SGCZ: variants seen among roughly 807,000 people sequenced by gnomAD.
SGCZ encodes the protein zeta-sarcoglycan.
In SGCZ, 40 loss-of-function variants were observed where a neutral mutation model predicts 41.3. That is an observed-to-expected ratio of 0.97 (90% CI 0.75 to 1.26). The LOEUF is 1.26. Ranked by LOEUF, SGCZ falls within the 50% of genes most tolerant of loss-of-function variation. The pLI, the probability that SGCZ is intolerant of heterozygous loss-of-function variation, is 0.00. For missense variants in SGCZ, 552 were observed against 369.8 expected (o/e 1.49, Z -4.04); for synonymous variants, 206 against 137.5 (o/e 1.50, Z -3.49).
chr8:14,468,602 T>C (rs1801118209), intron 2 of SGCZ, among the ~76,000 whole-genome samples: 1 of 152,106 alleles, frequency 6.6e-6, no homozygotes, highest in South Asian at 2.1e-4. Context: ...CGTATTTAAA[T>C]TTTGAGTTAA....
intron 2 of SGCZ, among the ~76,000 whole-genome samples, chr8:14,522,144 A>G (rs1802809446): frequency 6.6e-6 from 1 of 151,994 alleles, no homozygotes; most frequent in Non-Finnish European, 1.5e-5. Context: ...AATGCTTTTT[A>G]AATTTTGCTG....
intron 3 of SGCZ, among the ~76,000 whole-genome samples, chr8:14,239,242 T>C (rs1029026569): frequency 4.3e-5 from 3 of 70,108 alleles, no homozygotes; most frequent in African/African-American, 1.8e-4. Flanking sequence ...TGATGGTTCA[T>C]ACATGAACAC....
intron 1 of SGCZ, among the ~76,000 whole-genome samples, chr8:14,717,006 A>G (rs1809711362): frequency 6.6e-6 from 1 of 152,140 alleles, no homozygotes; most frequent in Non-Finnish European, 1.5e-5. Context: ...AAAGCATGAA[A>G]GGTATGTAGT....
At chr8:14,614,111 A>G (rs528742484) in intron 1 of SGCZ, among the ~76,000 whole-genome samples, 1 of 152,156 alleles carries the variant, frequency 6.6e-6, no homozygotes, top group African/African-American at 2.4e-5. Flanking sequence ...TTCAGATTAC[A>G]TTACACTAAA....
chr8:14,930,119 G>A (rs1409751629), intron 1 of SGCZ, among the ~76,000 whole-genome samples: 1 of 151,810 alleles, frequency 6.6e-6, no homozygotes, highest in African/African-American at 2.4e-5. Context: ...TGAATTAAAT[G>A]TAAGTTATTT....
At chr8:15,193,319 G>A (rs1287496913) in intron 1 of SGCZ, among the ~76,000 whole-genome samples, 1 of 152,076 alleles carries the variant, frequency 6.6e-6, no homozygotes, top group African/African-American at 2.4e-5. Flanking sequence ...GAATTCTAAA[G>A]CATTTAGGTA....
At chr8:14,160,623 G>A (rs1804016206) in intron 5 of SGCZ, among the ~76,000 whole-genome samples, 1 of 152,178 alleles carries the variant, frequency 6.6e-6, no homozygotes, top group Admixed American at 6.5e-5. Flanking sequence ...GACAAGTAAT[G>A]TCAAGAGTGG....
chr8:14,554,127 A>G (rs1803958145), intron 2 of SGCZ, among the ~76,000 whole-genome samples: 1 of 152,080 alleles, frequency 6.6e-6, no homozygotes, highest in Non-Finnish European at 1.5e-5. Flanking sequence ...TTTTGTAATT[A>G]GTTACTTTTA....
chr8:14,455,822 A>G (rs1800727551), intron 2 of SGCZ, among the ~76,000 whole-genome samples: 2 of 152,338 alleles, frequency 1.3e-5, no homozygotes, highest in South Asian at 4.1e-4. Flanking sequence ...TATGTAGGAT[A>G]TATTATTGTG....
intron 2 of SGCZ, among the ~76,000 whole-genome samples, chr8:14,372,841 C>A (rs888908270): frequency 3.9e-5 from 6 of 151,998 alleles, no homozygotes; most frequent in African/African-American, 1.2e-4. Context: ...GGTGATGAGA[C>A]GTGTTGTAGA....
At chr8:15,058,734 T>C (rs1235402153) in intron 1 of SGCZ, among the ~76,000 whole-genome samples, 7 of 152,208 alleles carry the variant, frequency 4.6e-5, no homozygotes, top group Non-Finnish European at 8.8e-5. Context: ...CTTAGGATCC[T>C]TGGATCCCAT....
intron 1 of SGCZ, among the ~76,000 whole-genome samples, chr8:15,058,595 A>G (rs1804801186): frequency 6.6e-6 from 1 of 152,196 alleles, no homozygotes; most frequent in South Asian, 2.1e-4. Context: ...CTTAATAGAC[A>G]AATTTATTAG....
intron 5 of SGCZ, among the ~76,000 whole-genome samples, chr8:14,109,970 C>T (rs912266818): frequency 3.9e-5 from 6 of 152,096 alleles, no homozygotes; most frequent in Non-Finnish European, 7.4e-5. Flanking sequence ...CTCTCTGTCG[C>T]TCCTGAGACT....
At chr8:14,714,886 C>G (rs1472590710) in intron 1 of SGCZ, among the ~76,000 whole-genome samples, 1 of 151,774 alleles carries the variant, frequency 6.6e-6, no homozygotes, top group Non-Finnish European at 1.5e-5. Context: ...TTTTTCAGAG[C>G]TAAATTTTAA....
At chr8:14,590,429 A>G (rs1293174710) in intron 1 of SGCZ, among the ~76,000 whole-genome samples, 6 of 151,802 alleles carry the variant, frequency 4.0e-5, no homozygotes, top group Non-Finnish European at 7.4e-5. Context: ...GTGTTTCATT[A>G]TATGTACAGC....
At chr8:15,142,563 G>T (rs1463961438) in intron 1 of SGCZ, among the ~76,000 whole-genome samples, 1 of 152,002 alleles carries the variant, frequency 6.6e-6, no homozygotes, top group South Asian at 2.1e-4. Flanking sequence ...CTGGGCAAGA[G>T]ACATCATGTA....
At chr8:14,851,095 C>T (rs150671883) in intron 1 of SGCZ, among the ~76,000 whole-genome samples, 18 of 152,194 alleles carry the variant, frequency 1.2e-4, no homozygotes, top group South Asian at 6.2e-4. Context: ...CAAGGCTGGG[C>T]GCAGTGGCTC....
At chr8:14,230,368 C>T (rs1411490448) in intron 4 of SGCZ, among the ~76,000 whole-genome samples, 2 of 152,072 alleles carry the variant, frequency 1.3e-5, no homozygotes, top group Non-Finnish European at 2.9e-5. Flanking sequence ...GCATACTATG[C>T]TCCAGGAAGC....
At chr8:14,218,764 C>G (rs1026837689) in intron 4 of SGCZ, among the ~76,000 whole-genome samples, 4 of 152,208 alleles carry the variant, frequency 2.6e-5, no homozygotes, top group Non-Finnish European at 5.9e-5. Flanking sequence ...GCAGAGACAA[C>G]TCACAACATC....
Sources: allele counts gnomAD v4.1 joint callset (sites outside exome capture counted in the v4.1 genomes callset), GRCh38; gene constraint gnomAD v4.1.1; transcripts MANE v1.5; gene names NCBI Gene and HGNC (gene_info 2026-07-23, HGNC 2026-07-21).